The following NUBPL variants were observed in gnomAD, a reference collection of about 807,000 sequenced individuals.
NUBPL encodes NUBP iron-sulfur cluster assembly factor, mitochondrial.
A neutral mutation model predicts 45.7 loss-of-function variants in NUBPL; 31 were observed. That is an observed-to-expected ratio of 0.68 (90% CI 0.51 to 0.92). The LOEUF (loss-of-function observed/expected upper bound fraction) is 0.92, where lower values mean the gene tolerates loss of function less well. NUBPL is among the 40% of genes least tolerant of loss of function. NUBPL has a pLI of 0.00. For synonymous variants in NUBPL, 144 were observed against 140.9 expected (o/e 1.02, Z -0.15); for missense variants, 401 against 398.7 (o/e 1.01, Z -0.05).
chr14:31,612,532 G>A (rs1346527468), intron 4 of NUBPL, among the ~76,000 whole-genome samples: 1 of 152,122 alleles, frequency 6.6e-6, no homozygotes, highest in Non-Finnish European at 1.5e-5. Context: ...GTGGTGGCAT[G>A]TGCCTGTAAT....
chr14:31,593,398 C>T (rs563066412), intron 3 of NUBPL, among the ~76,000 whole-genome samples: 5 of 150,746 alleles, frequency 3.3e-5, no homozygotes, highest in East Asian at 2.0e-4. Context: ...TCTGTAGTCC[C>T]GGTTACTCGG....
chr14:31,750,091 C>A (rs2038488045), intron 6 of NUBPL, among the ~76,000 whole-genome samples: 1 of 152,020 alleles, frequency 6.6e-6, no homozygotes, highest in Admixed American at 6.5e-5. Context: ...GGTTTTCACT[C>A]AGATAACAAT....
chr14:31,645,565 T>G (rs2035825162), intron 4 of NUBPL, among the ~76,000 whole-genome samples: 1 of 152,200 alleles, frequency 6.6e-6, no homozygotes, highest in Non-Finnish European at 1.5e-5. Context: ...TGTCTTCTTT[T>G]GTGGTTAACC....
chr14:31,577,125 C>G (rs1480189288), intron 3 of NUBPL, among the ~76,000 whole-genome samples: 2 of 152,176 alleles, frequency 1.3e-5, no homozygotes, highest in Non-Finnish European at 2.9e-5. Context: ...GGAGGGGTAT[C>G]AAAAGCCTTG....
intron 6 of NUBPL, among the ~76,000 whole-genome samples, chr14:31,699,052 G>A (rs965376846): frequency 2.6e-5 from 4 of 152,100 alleles, no homozygotes; most frequent in Admixed American, 2.6e-4. Context: ...ATGGCATTTC[G>A]CCATGTTGGT....
At chr14:31,721,960 A>G (rs2037818868) in intron 6 of NUBPL, among the ~76,000 whole-genome samples, 1 of 152,022 alleles carries the variant, frequency 6.6e-6, no homozygotes, top group South Asian at 2.1e-4. Flanking sequence ...ATTCTTTTTT[A>G]TGGATGCATA....
At chr14:31,650,042 A>G (rs1199657612) in intron 4 of NUBPL, among the ~76,000 whole-genome samples, 1 of 151,648 alleles carries the variant, frequency 6.6e-6, no homozygotes, top group African/African-American at 2.4e-5. Context: ...TATTTTTAGT[A>G]GAGATGGGGT....
intron 6 of NUBPL, among the ~76,000 whole-genome samples, chr14:31,708,884 G>A (rs1221289316): frequency 1.3e-5 from 2 of 152,178 alleles, no homozygotes; most frequent in African/African-American, 4.8e-5. Flanking sequence ...ACATGGACGA[G>A]GGGGCGGCTT....
At chr14:31,842,376 A>G (rs1444357087) in intron 8 of NUBPL, among the ~76,000 whole-genome samples, 1 of 152,236 alleles carries the variant, frequency 6.6e-6, no homozygotes, top group African/African-American at 2.4e-5. Context: ...TAGAACATTT[A>G]TCCTTTAACT....
chr14:31,644,094 A>G (rs899183790), intron 4 of NUBPL, among the ~76,000 whole-genome samples: 17 of 151,974 alleles, frequency 1.1e-4, no homozygotes, highest in African/African-American at 3.9e-4. Context: ...TAAAAAATCA[A>G]CTTTTTGTTT....
At chr14:31,760,179 G>GAGAGAGAGAC (rs2038775013) in intron 6 of NUBPL, among the ~76,000 whole-genome samples, 1 of 147,960 alleles carries the variant, frequency 6.8e-6, no homozygotes, top group East Asian at 2.0e-4. Context: ...GAGAGAGAGA[G>GAGAGAGAGAC]AGACAGGGTG....
At chr14:31,735,824 C>T (rs2038153946) in intron 6 of NUBPL, among the ~76,000 whole-genome samples, 1 of 152,076 alleles carries the variant, frequency 6.6e-6, no homozygotes, top group Non-Finnish European at 1.5e-5. Flanking sequence ...TGCACTCCAG[C>T]CTAGGCGACA....
intron 4 of NUBPL, among the ~76,000 whole-genome samples, chr14:31,645,255 G>C (rs1239287622): frequency 6.6e-6 from 1 of 151,692 alleles, no homozygotes; most frequent in Non-Finnish European, 1.5e-5. Context: ...TTTAGTAGAG[G>C]CGGGGTTTCA....
chr14:31,659,770 A>T (rs2036224511), intron 4 of NUBPL, among the ~76,000 whole-genome samples: 1 of 152,200 alleles, frequency 6.6e-6, no homozygotes, highest in Non-Finnish European at 1.5e-5. Flanking sequence ...TGAAAAGCTG[A>T]AGTTCTCAAT....
At chr14:31,634,747 C>G (rs1298416086) in intron 4 of NUBPL, among the ~76,000 whole-genome samples, 2 of 151,660 alleles carry the variant, frequency 1.3e-5, no homozygotes, top group East Asian at 3.9e-4. Context: ...CTCTCCAGCA[C>G]CTGTTGTTTC....
chr14:31,594,341 T>G lies in NUBPL; in HGVS notation c.292-4948T>G, dbSNP rs991884473. Among the ~76,000 whole-genome samples the G allele has an allele frequency of 5.3e-4, 81 of 152,256 alleles. 1 individual carries two copies. Among genetic ancestry groups the G allele is most frequent in the African/African-American group, 3.6e-4 (15 of 41,552 alleles). ...ACACTGAGGCGGGAGGATTGTTGCT[T>G]GAGCCAGGAAGGTCAAGGCCCCTAT... On this transcript the variant is annotated intron_variant, in intron 3 of 10. Coordinates refer to ENST00000281081, the MANE Select transcript of NUBPL (RefSeq NM_025152.3).
chr14:31,680,078 C>T (rs1304726290), intron 6 of NUBPL, among the ~76,000 whole-genome samples: 1 of 152,034 alleles, frequency 6.6e-6, no homozygotes, highest in Non-Finnish European at 1.5e-5. Flanking sequence ...GATTTTTGTA[C>T]ATTAACCTTG....
chr14:31,611,893 CT>C (rs1332217396), intron 4 of NUBPL, among the ~76,000 whole-genome samples: 1 of 152,222 alleles, frequency 6.6e-6, no homozygotes, highest in African/African-American at 2.4e-5. Flanking sequence ...AACTAGACCC[CT>C]ATCTCTCACC....
chr14:31,602,152 C>T (rs2034452425), intron 4 of NUBPL, among the ~76,000 whole-genome samples: 1 of 151,842 alleles, frequency 6.6e-6, no homozygotes, highest in Admixed American at 6.6e-5. Context: ...AAAAACCAAA[C>T]ACTGCATGTT....
Sources: allele counts gnomAD v4.1 joint callset (sites outside exome capture counted in the v4.1 genomes callset), GRCh38; gene constraint gnomAD v4.1.1; transcripts MANE v1.5; gene names NCBI Gene and HGNC (gene_info 2026-07-23, HGNC 2026-07-21).